The following MEIS2 variants were observed in gnomAD, a reference collection of about 807,000 sequenced individuals.
The protein encoded by MEIS2 is homeobox protein Meis2.
In MEIS2, 9 loss-of-function variants were observed where a neutral mutation model predicts 58.6. The observed-to-expected ratio is 0.15, with a 90% CI of 0.09 to 0.27. The LOEUF (loss-of-function observed/expected upper bound fraction) is 0.27, where lower values mean the gene tolerates loss of function less well. Among genes scored for constraint, MEIS2 ranks in the 10% least tolerant of loss-of-function variants. MEIS2 has a pLI of 1.00. For synonymous variants in MEIS2, 221 were observed against 228.4 expected (o/e 0.97, Z 0.29); for missense variants, 427 against 635.0 (o/e 0.67, Z 3.52).
intron 9 of MEIS2, among the ~76,000 whole-genome samples, chr15:36,907,078 T>C (rs761824674): frequency 6.6e-6 from 1 of 152,224 alleles, no homozygotes; most frequent in African/African-American, 2.4e-5. Flanking sequence ...ATGGAACTTA[T>C]CAGAGAGTTT....
At chr15:36,918,618 A>G (rs16964301) in intron 9 of MEIS2, among the ~76,000 whole-genome samples, 14 of 152,262 alleles carry the variant, frequency 9.2e-5, no homozygotes, top group African/African-American at 3.4e-4. Context: ...AAGATGAAAG[A>G]GTCTCAATGC....
At chr15:37,023,993 T>A (rs1300548150) in intron 8 of MEIS2, among the ~76,000 whole-genome samples, 2 of 138,598 alleles carry the variant, frequency 1.4e-5, no homozygotes, top group Non-Finnish European at 3.1e-5. Flanking sequence ...CACTGCAACC[T>A]CCGCCCCCAG....
intron 8 of MEIS2, among the ~76,000 whole-genome samples, chr15:36,991,544 A>G (rs2060273980): frequency 6.6e-6 from 1 of 152,102 alleles, no homozygotes; most frequent in Admixed American, 6.5e-5. Context: ...GGTTGATGGT[A>G]TAATGCAGTG....
At chr15:37,095,399 G>T (rs1375215460) in intron 4 of MEIS2, among the ~76,000 whole-genome samples, 165 bp downstream of exon 4, 1 of 152,154 alleles carries the variant, frequency 6.6e-6, no homozygotes, top group Admixed American at 6.5e-5. Context: ...CTCCTCGCTC[G>T]CCAGCTCCCG....
chr15:37,062,986 G>A (rs780201233), intron 7 of MEIS2, among the ~76,000 whole-genome samples: 1 of 152,064 alleles, frequency 6.6e-6, no homozygotes, highest in Non-Finnish European at 1.5e-5. Context: ...ACCATATATG[G>A]CATTACAAGC....
intron 9 of MEIS2, among the ~76,000 whole-genome samples, chr15:36,945,685 T>C (rs922673978): frequency 3.3e-5 from 5 of 152,046 alleles, no homozygotes; most frequent in African/African-American, 1.2e-4. Flanking sequence ...TGGGTGTTGA[T>C]TATTAAAAGC....
Position 37,036,964 on chromosome 15 carries a change from TAGAA to T in MEIS2, c.755-9_755-6del. 1 of 1,596,098 alleles carries T rather than the reference TAGAA, an allele frequency of 6.3e-7. No individual in the cohort carries two copies. Among genetic ancestry groups the T allele is most frequent in the Non-Finnish European group, 8.5e-7 (1 of 1,174,248 alleles). ...CACTGTTGTCTAAACCATCCCCTAG[TAGAA>T]AGAAATAAAAATACATTAGAGAAAA... On this transcript the variant is annotated splice_region_variant and splice_polypyrimidine_tract_variant and intron_variant, in intron 7 of 11. Coordinates refer to ENST00000561208, the MANE Select transcript of MEIS2 (RefSeq NM_170675.5).
At position 36,892,114 on chromosome 15, in the gene MEIS2, T is replaced by C; in HGVS notation, c.*59A>G. 1.3e-6 allele frequency: 2 copies of C among 1,564,512 alleles called. No homozygotes were observed. Among genetic ancestry groups the C allele is most frequent in the Admixed American group, 1.7e-5 (1 of 58,284 alleles). ...ATTAAGTGTCAACATCTGGTCAAAGTTCAGAAAGTCTTAAAATAGTTTTTG... is the reference window on the plus strand; with the variant it reads ...ATTAAGTGTCAACATCTGGTCAAAGCTCAGAAAGTCTTAAAATAGTTTTTG... On this transcript the variant is annotated 3_prime_UTR_variant, in exon 12 of 12. Transcript: ENST00000561208.
intron 9 of MEIS2, among the ~76,000 whole-genome samples, chr15:36,906,660 A>T (rs1314560661): frequency 6.6e-6 from 1 of 151,708 alleles, no homozygotes; most frequent in East Asian, 1.9e-4. Flanking sequence ...AGAAAAAAAA[A>T]AAAAAAAAAA....
At chr15:37,095,142 G>C (rs1894051889) in intron 4 of MEIS2, 1 of 202,730 alleles carries the variant, frequency 4.9e-6, no homozygotes, top group South Asian at 1.1e-4. Flanking sequence ...AAAGTGGCCT[G>C]CGCTGGCCTG....
intron 7 of MEIS2, among the ~76,000 whole-genome samples, chr15:37,082,117 A>C (rs184795613): frequency 6.6e-6 from 1 of 152,180 alleles, no homozygotes; most frequent in African/African-American, 2.4e-5. Context: ...CTGTTAATGA[A>C]TCTACAGAGA....
At chr15:36,979,672 A>G (rs2059868068) in intron 8 of MEIS2, among the ~76,000 whole-genome samples, 1 of 148,172 alleles carries the variant, frequency 6.7e-6, no homozygotes, top group East Asian at 1.9e-4. Flanking sequence ...CTTTGCATAC[A>G]TTTCCATTAT....
intron 7 of MEIS2, among the ~76,000 whole-genome samples, chr15:37,040,155 T>C (rs755134382): frequency 2.0e-5 from 3 of 151,956 alleles, no homozygotes; most frequent in Non-Finnish European, 2.9e-5. Flanking sequence ...GTTTATGTGC[T>C]GAAAAAGGTA....
At chr15:37,028,977 G>C (rs1478418900) in intron 8 of MEIS2, among the ~76,000 whole-genome samples, 1 of 147,630 alleles carries the variant, frequency 6.8e-6, no homozygotes, top group Non-Finnish European at 1.5e-5. Flanking sequence ...TGCAAAAGAA[G>C]AGGAATGCTT....
At chr15:36,980,808 G>A (rs1364190422) in intron 8 of MEIS2, among the ~76,000 whole-genome samples, 3 of 151,922 alleles carry the variant, frequency 2.0e-5, no homozygotes, top group Non-Finnish European at 4.4e-5. Flanking sequence ...TTAATTTTAT[G>A]TAAATTTTGG....
At chr15:37,033,114 C>T (rs1567206384) in intron 8 of MEIS2, among the ~76,000 whole-genome samples, 3 of 152,192 alleles carry the variant, frequency 2.0e-5, no homozygotes. Context: ...ACAATTGCTA[C>T]AGTTGGCCTT....
chr15:36,958,873 A>G (rs946168449), intron 8 of MEIS2, among the ~76,000 whole-genome samples: 1 of 152,166 alleles, frequency 6.6e-6, no homozygotes, highest in African/African-American at 2.4e-5. Flanking sequence ...TGACCAAATT[A>G]ATATTTTATG....
chr15:36,974,910 C>T (rs990801720), intron 8 of MEIS2, among the ~76,000 whole-genome samples: 3 of 152,108 alleles, frequency 2.0e-5, no homozygotes, highest in Admixed American at 6.6e-5. Flanking sequence ...CCTGCTAACA[C>T]GTGCCCAAGA....
intron 9 of MEIS2, among the ~76,000 whole-genome samples, chr15:36,932,036 A>G (rs1336352820): frequency 6.6e-6 from 1 of 152,236 alleles, no homozygotes; most frequent in Non-Finnish European, 1.5e-5. Context: ...TATGTGTAAT[A>G]GTGATATTCT....
Sources: allele counts gnomAD v4.1 joint callset (sites outside exome capture counted in the v4.1 genomes callset), GRCh38; gene constraint gnomAD v4.1.1; transcripts MANE v1.5; gene names NCBI Gene and HGNC (gene_info 2026-07-23, HGNC 2026-07-21).